The following FAF1 variants were observed in gnomAD, a reference collection of about 807,000 sequenced individuals.
The protein encoded by FAF1 is Fas associated factor 1, also known as FAS-associated factor 1.
In FAF1, 25 loss-of-function variants were observed where a neutral mutation model predicts 92.5. That is an observed-to-expected ratio of 0.27 (90% CI 0.20 to 0.38). FAF1 has a LOEUF of 0.38. FAF1 is among the 10% of genes least tolerant of loss of function. The probability of loss-of-function intolerance (pLI) is 1.00; values close to 1 mark genes in which losing one functional copy is unlikely to be tolerated. For synonymous variants in FAF1, 234 were observed against 273.2 expected (o/e 0.86, Z 1.42); for missense variants, 636 against 793.3 (o/e 0.80, Z 2.38).
At chr1:50,879,187 G>A (rs781604528) in intron 1 of FAF1, among the ~76,000 whole-genome samples, 4 of 152,198 alleles carry the variant, frequency 2.6e-5, no homozygotes, top group Non-Finnish European at 5.9e-5. Flanking sequence ...GGAGTCTACA[G>A]TGAGACAAGA....
In FAF1 at chr1:50,724,276, T is replaced by TACAC. The variant is rs1281878722; in HGVS notation, c.551+14583_551+14586dup. Among the ~76,000 whole-genome samples the TACAC allele has an allele frequency of 2.4e-3, 277 of 114,900 alleles. 3 individuals are homozygous for TACAC. Among genetic ancestry groups the TACAC allele is most frequent in the African/African-American group, 7.9e-3 (222 of 28,254 alleles). 75.4% of individuals were successfully genotyped at this position (114,900 alleles called of 152,430 possible). A position where few individuals can be genotyped will look rare whatever the true frequency, so the allele number is the denominator to read the frequency against. ...AAAAACAACCATATATATATACATA[T>TACAC]ACACACACACACACACACATACACA... On this transcript the variant is annotated intron_variant, in intron 6 of 18. Coordinates refer to ENST00000396153, the MANE Select transcript of FAF1 (RefSeq NM_007051.3).
chr1:50,541,787 AG>A (rs1370432280), intron 13 of FAF1, among the ~76,000 whole-genome samples: 6 of 152,182 alleles, frequency 3.9e-5, no homozygotes, highest in Non-Finnish European at 2.9e-5. Flanking sequence ...ATAAAAAAAA[AG>A]GGAAAAGCAG....
rs182649095 is a variant in FAF1 at position 50,697,483 on chromosome 1, T to C, written c.657+8303A>G. 1.2e-4 allele frequency among the ~76,000 whole-genome samples: 18 copies of C among 152,318 alleles called. No individual in the cohort carries two copies. The East Asian group carries it at 2.3e-3, about 20-fold the overall frequency. ...TGTACAAAGATTCTGATTGATCCTA[T>C]GTCTGTCTGTTTTGGTTAAGCTACA... On this transcript the variant is annotated intron_variant, in intron 7 of 18. Transcript: ENST00000396153.
intron 6 of FAF1, among the ~76,000 whole-genome samples, chr1:50,729,058 A>ATATATAT (rs1375923156): frequency 0.013 from 875 of 69,952 alleles, 14 homozygotes; most frequent in African/African-American, 0.022. Flanking sequence ...ATATATATAT[A>ATATATAT]TTTTTTTTTT....
At chr1:50,461,882 A>G (rs1298190642) in intron 18 of FAF1, among the ~76,000 whole-genome samples, 3 of 106,124 alleles carry the variant, frequency 2.8e-5, no homozygotes, top group African/African-American at 4.8e-5. Flanking sequence ...CAAAACACTG[A>G]AAAAAAAAAA....
chr1:50,819,335 T>A (rs1226076763), intron 2 of FAF1, among the ~76,000 whole-genome samples: 2 of 151,744 alleles, frequency 1.3e-5, no homozygotes, highest in Admixed American at 1.3e-4. Context: ...TTACTATATG[T>A]AAATTGCAGT....
chr1:50,590,494 A>G (rs1443563123), intron 9 of FAF1, among the ~76,000 whole-genome samples: 8 of 152,164 alleles, frequency 5.3e-5, no homozygotes. Context: ...TTGACTTTGT[A>G]TCTTGGTATT....
At chr1:50,949,867 C>CT (rs924258634) in intron 1 of FAF1, among the ~76,000 whole-genome samples, 10 of 151,294 alleles carry the variant, frequency 6.6e-5, no homozygotes, top group South Asian at 2.1e-4. Flanking sequence ...GATTACCATT[C>CT]TTTTTTTTTC....
At chr1:50,681,835 G>T (rs115332164) in intron 7 of FAF1, among the ~76,000 whole-genome samples, 3,411 of 149,982 alleles carry the variant, frequency 0.023, 60 homozygotes, top group African/African-American at 0.047. Flanking sequence ...GTTTTTTTTG[G>T]TTTTTTTTCC....
chr1:50,820,779 C>T (rs1229849364), intron 2 of FAF1, among the ~76,000 whole-genome samples: 1 of 152,074 alleles, frequency 6.6e-6, no homozygotes, highest in African/African-American at 2.4e-5. Context: ...TTTCACTTAG[C>T]ATAATGTCTT....
At chr1:50,767,496 C>G (rs1256314347) in intron 4 of FAF1, among the ~76,000 whole-genome samples, 1 of 151,922 alleles carries the variant, frequency 6.6e-6, no homozygotes, top group Non-Finnish European at 1.5e-5. Flanking sequence ...GACAACTATG[C>G]CCAAGACACA....
intron 6 of FAF1, among the ~76,000 whole-genome samples, chr1:50,713,337 G>A (rs1658027349): frequency 6.6e-6 from 1 of 151,774 alleles, no homozygotes; most frequent in Admixed American, 6.6e-5. Flanking sequence ...GCAGTGGCAC[G>A]ATCTAGGTTC....
intron 18 of FAF1, 57 bp from the exon 19 acceptor site, chr1:50,441,580 A>G (rs1646166823): frequency 2.0e-6 from 2 of 993,550 alleles, no homozygotes; most frequent in Non-Finnish European, 3.0e-6. Flanking sequence ...TATTCTCTAC[A>G]TGGCCTTCAT....
chr1:50,958,808 G>A (rs1645292138), intron 1 of FAF1, among the ~76,000 whole-genome samples: 1 of 152,220 alleles, frequency 6.6e-6, no homozygotes, highest in Non-Finnish European at 1.5e-5. Context: ...CCTGTGCAAT[G>A]TGAGTATTAA....
chr1:50,554,037 C>A (rs528026196), intron 13 of FAF1, among the ~76,000 whole-genome samples: 2 of 151,846 alleles, frequency 1.3e-5, no homozygotes, highest in South Asian at 4.2e-4. Context: ...AAGGACACGT[C>A]TAATCCCTAA....
At chr1:50,904,716 A>T (rs567006491) in intron 1 of FAF1, among the ~76,000 whole-genome samples, 6 of 152,130 alleles carry the variant, frequency 3.9e-5, no homozygotes, top group Non-Finnish European at 8.8e-5. Context: ...AATATTACTA[A>T]TGGTCCTAAA....
intron 7 of FAF1, among the ~76,000 whole-genome samples, chr1:50,689,993 C>CTTTTT (rs1159221059): frequency 1.6e-4 from 19 of 122,310 alleles, no homozygotes; most frequent in East Asian, 4.7e-4. Context: ...CATTATATTT[C>CTTTTT]TTTTTTTTTT....
At chr1:50,454,758 C>T (rs765802837) in intron 18 of FAF1, among the ~76,000 whole-genome samples, 5 of 152,202 alleles carry the variant, frequency 3.3e-5, no homozygotes, top group Non-Finnish European at 5.9e-5. Flanking sequence ...GAGGATCTAG[C>T]TCAAGGGATC....
chr1:50,874,660 A>T (rs1200390885), intron 1 of FAF1, among the ~76,000 whole-genome samples: 1 of 152,050 alleles, frequency 6.6e-6, no homozygotes, highest in South Asian at 2.1e-4. Context: ...TGCACAGCCA[A>T]CTGCCCTATA....
Sources: gnomAD v4.1 joint callset for allele counts (sites outside exome capture counted in the v4.1 genomes callset) on GRCh38, gnomAD v4.1.1 for gene constraint, MANE v1.5 for transcripts, NCBI Gene and HGNC (gene_info 2026-07-23, HGNC 2026-07-21) for gene names.